The following SFXN2 variants were observed in gnomAD, a reference collection of about 807,000 sequenced individuals.
SFXN2 encodes the protein sideroflexin-2.
SFXN2 carries 37 observed loss-of-function variants against 41.9 expected under a neutral mutation model. The ratio of observed to expected loss-of-function variants is 0.88; its 90% CI spans 0.68 to 1.16. The LOEUF is 1.16. SFXN2 is among the 50% of genes most tolerant of loss of function. SFXN2 has a pLI of 0.00. For missense variants in SFXN2, 386 were observed against 425.2 expected (o/e 0.91, Z 0.81); for synonymous variants, 150 against 156.7 (o/e 0.96, Z 0.32).
At chr10:102,718,374 A>G (rs991487935) in intron 1 of SFXN2, among the ~76,000 whole-genome samples, 3 of 152,274 alleles carry the variant, frequency 2.0e-5, no homozygotes, top group African/African-American at 7.2e-5. Flanking sequence ...TCTGTAAGCC[A>G]AGGCAGCGTG....
intron 4 of SFXN2, among the ~76,000 whole-genome samples, chr10:102,728,968 G>A (rs1186736884): frequency 6.6e-6 from 1 of 152,130 alleles, no homozygotes; most frequent in Non-Finnish European, 1.5e-5. Context: ...AGCGGTGTCT[G>A]TGTAGTTAGG....
At chr10:102,718,918 C>CTT (rs34471332) in intron 1 of SFXN2, among the ~76,000 whole-genome samples, 4,131 of 73,914 alleles carry the variant, frequency 0.056, 324 homozygotes, top group African/African-American at 0.14. Flanking sequence ...TTCTCGGCTT[C>CTT]TTTTTTTTTT....
At chr10:102,722,343 G>GTGC (rs1564739725) in intron 1 of SFXN2, among the ~76,000 whole-genome samples, 2 of 152,160 alleles carry the variant, frequency 1.3e-5, no homozygotes, top group African/African-American at 4.8e-5. Flanking sequence ...TGCATGGAGT[G>GTGC]TGCAAGTACC....
intron 11 of SFXN2, among the ~76,000 whole-genome samples, chr10:102,737,240 CAAGAAGGAGG>C (rs955168598): frequency 2.0e-5 from 3 of 151,930 alleles, no homozygotes; most frequent in Non-Finnish European, 4.4e-5. Flanking sequence ...TTTGTGTGTC[CAAGAAGGAGG>C]AAGCAGGGAG....
chr10:102,741,896 C>T lies in SFXN2; in HGVS notation c.*4134C>T, dbSNP rs546938554. ...AAGAAACGAGAGATTGGCAAAAATACGTGTCACTTTTTATAGTACTTGGAA... is the reference window on the plus strand; with the variant it reads ...AAGAAACGAGAGATTGGCAAAAATATGTGTCACTTTTTATAGTACTTGGAA... On this transcript the variant is annotated 3_prime_UTR_variant, in exon 12 of 12. Transcript: ENST00000369893. 4 of 152,190 alleles carry T rather than the reference C, an allele frequency of 2.6e-5. No homozygotes were observed. The highest frequency in any genetic ancestry group is 2.1e-4 in the South Asian group (1 of 4,836). 9.4% of individuals were successfully genotyped at this position (152,190 alleles called of 1,614,324 possible). A position where few individuals can be genotyped will look rare whatever the true frequency, so the allele number is the denominator to read the frequency against.
chr10:102,731,829 C>A, intron 7 of SFXN2, 46 bp downstream of exon 7: 1 of 1,539,730 alleles, frequency 6.5e-7, no homozygotes, highest in Non-Finnish European at 9.0e-7. Flanking sequence ...AATTCCCTCT[C>A]ATACCCTGTC....
At chr10:102,728,383 C>T in intron 3 of SFXN2, 48 bp from the exon 4 acceptor site, 2 of 1,497,226 alleles carry the variant, frequency 1.3e-6, no homozygotes, top group Non-Finnish European at 1.9e-6. Flanking sequence ...CTCAGGACTC[C>T]CTGCCATCTG....
chr10:102,721,155 G>A (rs1203169138), intron 1 of SFXN2, among the ~76,000 whole-genome samples: 2 of 152,134 alleles, frequency 1.3e-5, no homozygotes, highest in East Asian at 3.8e-4. Flanking sequence ...ACAGTTATGT[G>A]AGCCAATTCG....
intron 1 of SFXN2, among the ~76,000 whole-genome samples, chr10:102,726,227 C>T (rs1023108364): frequency 6.6e-6 from 1 of 152,190 alleles, no homozygotes; most frequent in South Asian, 2.1e-4. Context: ...GGATTACAGG[C>T]ATGAGCCACT....
At chr10:102,726,147 A>C (rs1241839342) in intron 1 of SFXN2, among the ~76,000 whole-genome samples, 2 of 151,968 alleles carry the variant, frequency 1.3e-5, no homozygotes, top group African/African-American at 4.8e-5. Context: ...ATGGGGTTTC[A>C]CCATGTTGGC....
intron 7 of SFXN2, 103 bp from the exon 8 acceptor site, chr10:102,732,049 C>T (rs2064712316): frequency 8.7e-7 from 1 of 1,154,084 alleles, no homozygotes; most frequent in Middle Eastern, 2.0e-4. Context: ...TTCCCTTCCC[C>T]TTTACCATCT....
chr10:102,726,391 G>T (rs926738325), intron 1 of SFXN2: 19 of 533,302 alleles, frequency 3.6e-5, no homozygotes, highest in Non-Finnish European at 5.1e-5. Flanking sequence ...CCCTCCTGCT[G>T]TATGGTCAAG....
chr10:102,729,563 T>C (rs1174019720), intron 5 of SFXN2, 160 bp from the exon 6 acceptor site: 1 of 1,117,116 alleles, frequency 9.0e-7, no homozygotes. Context: ...GGTTGGTTCT[T>C]CTTGGGCCTT....
chr10:102,715,549 G>A (rs2064397378), intron 1 of SFXN2, among the ~76,000 whole-genome samples: 1 of 152,196 alleles, frequency 6.6e-6, no homozygotes, highest in African/African-American at 2.4e-5. Context: ...CCCTGTTCTA[G>A]ACGCTGGAGA....
At position 102,741,007 on chromosome 10, in the gene SFXN2, A is replaced by T. The variant is rs911550195; in HGVS notation, c.*3245A>T. ...AATGTCTGGAAGGTATGTGGTGGCT[A>T]TAATGTTCAGGGACATTCTAAAAAG... On this transcript the variant is annotated 3_prime_UTR_variant, in exon 12 of 12. Transcript: ENST00000369893. The T allele has an allele frequency of 6.6e-6, 1 of 152,210 alleles. No homozygotes were observed. Among genetic ancestry groups the T allele is most frequent in the South Asian group, 2.1e-4 (1 of 4,832 alleles). The allele number at this position is 152,210 out of a possible 1,614,324, so 9.4% of individuals were successfully genotyped here.
intron 6 of SFXN2, 47 bp from the exon 7 acceptor site, chr10:102,731,676 C>A: frequency 6.4e-7 from 1 of 1,560,932 alleles, no homozygotes; most frequent in Non-Finnish European, 8.8e-7. Flanking sequence ...GGCTGGCAGG[C>A]TTCCATCACC....
chr10:102,725,420 C>A (rs1025563863), intron 1 of SFXN2, among the ~76,000 whole-genome samples: 1 of 152,122 alleles, frequency 6.6e-6, no homozygotes, highest in African/African-American at 2.4e-5. Flanking sequence ...AAGGGTAGAC[C>A]TTGTTGAGAA....
rs566026929 is a variant in SFXN2 at position 102,726,457 on chromosome 10, C to T, written c.-25-155C>T. ...AAACACATGTTGGTGCCCAGTTGCTCAATCTGATGACCATTCACTTGGGCC... is the reference window on the plus strand; with the variant it reads ...AAACACATGTTGGTGCCCAGTTGCTTAATCTGATGACCATTCACTTGGGCC... On this transcript the variant is annotated intron_variant, in intron 1 of 11. Transcript: ENST00000369893. 4.4e-4 allele frequency: 305 copies of T among 696,128 alleles called. 2 individuals carry two copies. The South Asian group carries it at 5.4e-3, about 12-fold the overall frequency. The allele number at this position is 696,128 out of a possible 1,614,324, so 43.1% of individuals were successfully genotyped here.
chr10:102,724,148 C>T (rs955669946), intron 1 of SFXN2, among the ~76,000 whole-genome samples: 1 of 152,202 alleles, frequency 6.6e-6, no homozygotes, highest in Non-Finnish European at 1.5e-5. Context: ...TAATGGCCTC[C>T]ATCTTCATCC....
Sources: allele counts gnomAD v4.1 joint callset (sites outside exome capture counted in the v4.1 genomes callset), GRCh38; gene constraint gnomAD v4.1.1; transcripts MANE v1.5; gene names NCBI Gene and HGNC (gene_info 2026-07-23, HGNC 2026-07-21).